The following KDM3A variants were observed in gnomAD, a reference collection of about 807,000 sequenced individuals.
KDM3A encodes the protein lysine-specific demethylase 3A.
Under a neutral mutation model 158.0 loss-of-function variants are expected in KDM3A, and 60 were observed. The ratio of observed to expected loss-of-function variants is 0.38; its 90% CI spans 0.31 to 0.47. The LOEUF is 0.47. Among genes scored for constraint, KDM3A ranks in the 20% least tolerant of loss-of-function variants. The pLI, the probability that KDM3A is intolerant of heterozygous loss-of-function variation, is 0.99. For missense variants in KDM3A, 1,319 were observed against 1,574.3 expected, an observed-to-expected ratio of 0.84 and a Z score of 2.74; for synonymous variants, 608 against 549.3, an observed-to-expected ratio of 1.11 and a Z score of -1.49.
chr2:86,490,278 C>A (rs1484641819), intron 23 of KDM3A: 1 of 152,452 alleles, frequency 6.6e-6, no homozygotes, highest in Non-Finnish European at 1.5e-5. Flanking sequence ...GGCTGATATT[C>A]TTCAGTCATT....
At chr2:86,485,536 T>C (rs770606561) in intron 20 of KDM3A, among the ~76,000 whole-genome samples, 193 bp from the exon 21 acceptor site, 13 of 152,218 alleles carry the variant, frequency 8.5e-5, no homozygotes, top group African/African-American at 1.7e-4. Flanking sequence ...TTTTGACACA[T>C]TGGTGTGTTG....
At chr2:86,449,734 A>T in intron 2 of KDM3A, 73 bp from the exon 3 acceptor site, 2 of 1,468,824 alleles carry the variant, frequency 1.4e-6, no homozygotes, top group Non-Finnish European at 1.8e-6. Flanking sequence ...GGTATAGTTC[A>T]GCTGGGGCAT....
chr2:86,484,484 G>T (rs562355284), intron 19 of KDM3A, among the ~76,000 whole-genome samples: 1 of 152,202 alleles, frequency 6.6e-6, no homozygotes. Context: ...GATGGTTGAC[G>T]TGCATTGCTG....
intron 4 of KDM3A, among the ~76,000 whole-genome samples, chr2:86,452,096 G>T (rs1672496628): frequency 6.6e-6 from 1 of 152,038 alleles, no homozygotes; most frequent in African/African-American, 2.4e-5. Flanking sequence ...CAGGTTCCCA[G>T]CTCCTAGCTA....
At chr2:86,491,314 G>C in intron 25 of KDM3A, 39 bp downstream of exon 25, 1 of 1,601,314 alleles carries the variant, frequency 6.2e-7, no homozygotes, top group Non-Finnish European at 8.6e-7. Flanking sequence ...TTTGGCTATG[G>C]CTATGGCTTC....
chr2:86,480,487 T>C, intron 16 of KDM3A, 125 bp downstream of exon 16: 3 of 762,444 alleles, frequency 3.9e-6, no homozygotes, highest in Non-Finnish European at 4.0e-6. Flanking sequence ...TCCTGGAACC[T>C]GCCACAAATG....
intron 3 of KDM3A, 41 bp downstream of exon 3, chr2:86,450,003 C>T (rs1385487620): frequency 6.4e-7 from 1 of 1,552,464 alleles, no homozygotes; most frequent in South Asian, 1.2e-5. Flanking sequence ...GAGAAGAGGG[C>T]ATTTTATCCA....
rs201206984 is a variant in KDM3A, at chr2:86,480,304, A to G, written c.2454A>G (p.Thr818=). 4.3e-6 allele frequency: 7 copies of G among 1,614,124 alleles called. No individual in the cohort carries two copies. Among genetic ancestry groups the G allele is most frequent in the African/African-American group, 4.0e-5 (3 of 75,024 alleles). ...TGAAGCCTGCCTGTCCAGCCAGCAC[A>G]TCTCCTCTAAACTGGCTGGCCGACC... ...GSMKPACPAS[T]SPLNWLADLT... The change falls in exon 16 of 26, where the codon ACA becomes ACG. Residue 818 remains threonine (T), a synonymous_variant. Transcript: ENST00000312912.
intron 21 of KDM3A, chr2:86,488,303 T>G (rs996680890): frequency 6.6e-6 from 1 of 152,218 alleles, no homozygotes; most frequent in Non-Finnish European, 1.5e-5. Context: ...TGACTCCATA[T>G]AACTCATCAC....
At chr2:86,457,186 C>T (rs1170761442) in intron 8 of KDM3A, 115 bp downstream of exon 8, 1 of 342,406 alleles carries the variant, frequency 2.9e-6, no homozygotes, top group African/African-American at 2.2e-5. Flanking sequence ...GATAGGATCT[C>T]ACTCTGTCAC....
intron 4 of KDM3A, 39 bp downstream of exon 4, chr2:86,451,252 A>G (rs766523661): frequency 1.5e-6 from 2 of 1,311,522 alleles, no homozygotes; most frequent in South Asian, 2.6e-5. Context: ...AGAAACAGAA[A>G]TACGAACTCC....
rs746670244 is a variant in KDM3A, at chr2:86,482,546, A to C, written c.2774A>C (p.Lys925Thr). The C allele has an allele frequency of 1.9e-6, 3 of 1,614,156 alleles. No individual in the cohort carries two copies. The highest frequency in any genetic ancestry group is 2.5e-6 in the Non-Finnish European group (3 of 1,180,010). The change falls in exon 18 of 26, where the codon AAG becomes ACG. Residue 925 changes from lysine to threonine, a missense_variant. Lys to Thr is a moderately conservative substitution (Grantham distance 78). This residue lies in a region of KDM3A where 368 missense variants were observed against 415.8 expected (regional missense o/e 0.89). Coordinates refer to ENST00000312912, the MANE Select transcript of KDM3A (RefSeq NM_018433.6). ...VQNKTTSDLS[K>T]RPQGLTIKPS... ...AATAAGACGACTTCTGATTTATCTA[A>C]GAGGCCTCAAGGACTAACCATCAAG...
At chr2:86,476,715 C>A (rs1673674317) in intron 12 of KDM3A, among the ~76,000 whole-genome samples, 1 of 152,186 alleles carries the variant, frequency 6.6e-6, no homozygotes, top group African/African-American at 2.4e-5. Flanking sequence ...CATAAAATCT[C>A]ATTTGTAAGA....
At chr2:86,454,090 G>A (rs1052839313) in intron 4 of KDM3A, among the ~76,000 whole-genome samples, 4 of 152,296 alleles carry the variant, frequency 2.6e-5, no homozygotes, top group African/African-American at 2.4e-5. Flanking sequence ...TTACTCTGAC[G>A]CCTTAGGCTA....
rs548677760 is a variant in KDM3A at position 86,487,263 on chromosome 2, C to T, written c.3313+1404C>T. 3 of 152,288 alleles carry T rather than the reference C, an allele frequency of 2.0e-5. No individual in the cohort carries two copies. The South Asian group carries it at 6.2e-4, about 32-fold the overall frequency. 9.4% of individuals were successfully genotyped at this position (152,288 alleles called of 1,614,324 possible). ...TAGACACTAATAGATGGCAGTGTTACTCTATAAAAGCTTTTCCTATGACAA... is the reference window on the plus strand; with the variant it reads ...TAGACACTAATAGATGGCAGTGTTATTCTATAAAAGCTTTTCCTATGACAA... On this transcript the variant is annotated intron_variant, in intron 21 of 25. Transcript: ENST00000312912.
chr2:86,442,119 C>T lies in KDM3A; in HGVS notation c.72C>T (p.Asp24=), dbSNP rs765804308. 7 of 1,614,044 alleles carry T rather than the reference C, an allele frequency of 4.3e-6. No homozygotes were observed. Among genetic ancestry groups the T allele is most frequent in the Non-Finnish European group, 5.9e-6 (7 of 1,179,960 alleles). The change falls in exon 2 of 26, where the codon GAC becomes GAT. Residue 24 remains aspartate (D), a synonymous_variant. Coordinates refer to ENST00000312912, the MANE Select transcript of KDM3A (RefSeq NM_018433.6). ...GRRFLSLSAA[D]GSDGSHDSWD... is the part of the protein sequence containing the mutation. The stretch of plus-strand genomic sequence containing the variant: ...GGTTTCTCAGTCTGTCCGCAGCCGA[C>T]GGCAGCGATGGCAGCCACGACAGCT...
At chr2:86,449,547 A>G (rs938937246) in intron 2 of KDM3A, among the ~76,000 whole-genome samples, 1 of 152,162 alleles carries the variant, frequency 6.6e-6, no homozygotes, top group African/African-American at 2.4e-5. Flanking sequence ...TGGGCTTCCC[A>G]GGGGTTTACT....
chr2:86,476,414 G>T (rs1359218064), intron 12 of KDM3A, among the ~76,000 whole-genome samples: 3 of 152,118 alleles, frequency 2.0e-5, no homozygotes, highest in African/African-American at 7.2e-5. Flanking sequence ...TCTCCTTGAA[G>T]ATTTAAATGG....
At chr2:86,488,493 G>A (rs1413690122) in intron 21 of KDM3A, 1 of 152,178 alleles carries the variant, frequency 6.6e-6, no homozygotes, top group Non-Finnish European at 1.5e-5. Flanking sequence ...AGGGCTCTGG[G>A]GGCCCTGGTC....
Sources: gnomAD v4.1 joint callset for allele counts (sites outside exome capture counted in the v4.1 genomes callset) on GRCh38, gnomAD v4.1.1 for gene constraint, gnomAD v4.1.1 regional missense constraint, MANE v1.5 for transcripts, NCBI Gene and HGNC (gene_info 2026-07-23, HGNC 2026-07-21) for gene names.